SEMA3E: variants seen among roughly 807,000 people sequenced by gnomAD.
The protein encoded by SEMA3E is semaphorin 3E.
In SEMA3E, 49 loss-of-function variants were observed where a neutral mutation model predicts 93.6. That is an observed-to-expected ratio of 0.52 (90% CI 0.42 to 0.66). SEMA3E has a LOEUF of 0.66. SEMA3E is among the 30% of genes least tolerant of loss of function. SEMA3E has a pLI of 0.00. For synonymous variants in SEMA3E, 363 were observed against 330.7 expected (o/e 1.10, Z -1.06); for missense variants, 906 against 964.8 (o/e 0.94, Z 0.81).
chr7:83,528,903 A>G (rs1434892691), intron 1 of SEMA3E, among the ~76,000 whole-genome samples: 1 of 152,102 alleles, frequency 6.6e-6, no homozygotes, highest in Non-Finnish European at 1.5e-5. Context: ...TATACTATAA[A>G]GGGTTTAAAT....
At chr7:83,448,268 A>C (rs1451136707) in intron 4 of SEMA3E, among the ~76,000 whole-genome samples, 2 of 152,218 alleles carry the variant, frequency 1.3e-5, no homozygotes, top group African/African-American at 4.8e-5. Flanking sequence ...TACACTAATA[A>C]AATTCAAGTT....
At chr7:83,543,491 T>C (rs1280989392) in intron 1 of SEMA3E, among the ~76,000 whole-genome samples, 1 of 152,122 alleles carries the variant, frequency 6.6e-6, no homozygotes, top group African/African-American at 2.4e-5. Context: ...GATTTCTCAA[T>C]ATGGTAAAGT....
chr7:83,647,518 A>C (rs1002362062), intron 1 of SEMA3E, among the ~76,000 whole-genome samples: 1 of 152,286 alleles, frequency 6.6e-6, no homozygotes, highest in Non-Finnish European at 1.5e-5. Flanking sequence ...CCGAATTTAT[A>C]TTAAGTCAGC....
In SEMA3E at chr7:83,405,434, T is replaced by C; in HGVS notation, c.998+16A>G. ...CTTGTTCTATATTGTTTTTATTGAC[T>C]GTATAAATTTCTCACCTGGTAGTGT... On this transcript the variant is annotated intron_variant, in intron 9 of 16. Coordinates refer to ENST00000643230, the MANE Select transcript of SEMA3E (RefSeq NM_012431.3). 1 of 1,571,722 alleles carries C rather than the reference T, an allele frequency of 6.4e-7. No homozygotes were observed.
At chr7:83,525,781 T>TC (rs1554335167) in intron 1 of SEMA3E, among the ~76,000 whole-genome samples, 1 of 86,074 alleles carries the variant, frequency 1.2e-5, no homozygotes, top group African/African-American at 4.1e-5. Context: ...TTTGTTTGTT[T>TC]GGGTTTTTTT....
At chr7:83,424,365 A>T (rs1373917738) in intron 4 of SEMA3E, among the ~76,000 whole-genome samples, 1 of 152,184 alleles carries the variant, frequency 6.6e-6, no homozygotes, top group African/African-American at 2.4e-5. Context: ...TGATTGTTAG[A>T]TTAACATTTA....
intron 15 of SEMA3E, among the ~76,000 whole-genome samples, chr7:83,385,743 T>C (rs1205401354): frequency 6.6e-6 from 1 of 151,966 alleles, no homozygotes; most frequent in Non-Finnish European, 1.5e-5. Context: ...GCAACCTCTA[T>C]TGAGGGAAGA....
chr7:83,478,118 T>G (rs1790058416), intron 2 of SEMA3E, among the ~76,000 whole-genome samples: 1 of 152,164 alleles, frequency 6.6e-6, no homozygotes, highest in Non-Finnish European at 1.5e-5. Flanking sequence ...AGATAGGGTT[T>G]CTCCATGTTG....
intron 5 of SEMA3E, among the ~76,000 whole-genome samples, chr7:83,414,045 A>G (rs1424350961): frequency 2.0e-5 from 3 of 152,214 alleles, no homozygotes; most frequent in African/African-American, 7.2e-5. Context: ...GATAATGGGC[A>G]TTCTGCCAAG....
At chr7:83,595,927 C>T (rs531694166) in intron 1 of SEMA3E, among the ~76,000 whole-genome samples, 2 of 152,146 alleles carry the variant, frequency 1.3e-5, no homozygotes, top group Admixed American at 6.5e-5. Context: ...TTCCATTTAT[C>T]TTTAAACTTT....
intron 4 of SEMA3E, among the ~76,000 whole-genome samples, chr7:83,425,341 TCTC>T (rs1055007639): frequency 2.0e-5 from 3 of 152,150 alleles, no homozygotes; most frequent in African/African-American, 7.2e-5. Flanking sequence ...TATACTTTTC[TCTC>T]CTATTTTTAG....
intron 1 of SEMA3E, among the ~76,000 whole-genome samples, chr7:83,636,514 A>C (rs970890477): frequency 2.0e-5 from 3 of 152,146 alleles, no homozygotes; most frequent in African/African-American, 7.2e-5. Context: ...TCAGTACCTA[A>C]AGTTTATTAG....
chr7:83,590,766 A>C (rs1280651114), intron 1 of SEMA3E, among the ~76,000 whole-genome samples: 1 of 152,150 alleles, frequency 6.6e-6, no homozygotes, highest in Non-Finnish European at 1.5e-5. Context: ...GTACAAGTTA[A>C]CATACAGAGA....
intron 1 of SEMA3E, among the ~76,000 whole-genome samples, chr7:83,503,830 G>A (rs1295766455): frequency 6.6e-6 from 1 of 152,132 alleles, no homozygotes; most frequent in Non-Finnish European, 1.5e-5. Context: ...CCTAAATGTT[G>A]CTACGTGGCA....
intron 10 of SEMA3E, 109 bp downstream of exon 10, chr7:83,402,523 G>A (rs192906261): frequency 1.2e-4 from 112 of 942,364 alleles, no homozygotes; most frequent in Non-Finnish European, 9.0e-5. Flanking sequence ...ATACTTTTAG[G>A]TATAGTATTC....
chr7:83,468,201 C>T (rs192693361), intron 3 of SEMA3E, among the ~76,000 whole-genome samples: 5 of 152,294 alleles, frequency 3.3e-5, no homozygotes, highest in Non-Finnish European at 7.4e-5. Context: ...TTATCCAGAG[C>T]ACACAGGTAC....
intron 4 of SEMA3E, among the ~76,000 whole-genome samples, chr7:83,436,203 T>C (rs187241681): frequency 6.6e-6 from 1 of 151,768 alleles, no homozygotes; most frequent in Non-Finnish European, 1.5e-5. Context: ...CACACACGCA[T>C]ACATATAAAA....
chr7:83,525,308 A>G (rs1791132927), intron 1 of SEMA3E, among the ~76,000 whole-genome samples: 2 of 151,928 alleles, frequency 1.3e-5, no homozygotes, highest in South Asian at 4.1e-4. Context: ...AGAGCCTTTT[A>G]TATTTCTCCA....
chr7:83,622,287 C>G (rs1793577865), intron 1 of SEMA3E, among the ~76,000 whole-genome samples: 1 of 151,156 alleles, frequency 6.6e-6, no homozygotes. Flanking sequence ...GAGATACCAT[C>G]TCCTGCCCGT....
Sources: gnomAD v4.1 joint callset for allele counts (sites outside exome capture counted in the v4.1 genomes callset) on GRCh38, gnomAD v4.1.1 for gene constraint, MANE v1.5 for transcripts, NCBI Gene and HGNC (gene_info 2026-07-23, HGNC 2026-07-21) for gene names.